COG8: variants seen among roughly 807,000 people sequenced by gnomAD.
The protein encoded by COG8 is conserved oligomeric Golgi complex subunit 8.
Under a neutral mutation model 46.5 loss-of-function variants are expected in COG8, and 45 were observed. That is an observed-to-expected ratio of 0.97 (90% CI 0.76 to 1.24). The LOEUF is 1.24. Among genes scored for constraint, COG8 ranks in the 50% most tolerant of loss-of-function variants. The probability of loss-of-function intolerance (pLI) is 0.00; values close to 1 mark genes in which losing one functional copy is unlikely to be tolerated. For synonymous variants in COG8, 407 were observed against 347.8 expected (o/e 1.17, Z -1.90); for missense variants, 793 against 820.8 (o/e 0.97, Z 0.41).
At position 69,339,357 on chromosome 16, in the gene COG8, C is replaced by T. The variant is rs766347437; in HGVS notation, c.196G>A (p.Glu66Lys). 1.9e-6 allele frequency: 3 copies of T among 1,586,854 alleles called. No individual in the cohort carries two copies. The highest frequency in any genetic ancestry group is 2.3e-5 in the East Asian group (1 of 43,460). The part of the protein sequence containing the change: ...SGLERLRREP[E>K]RLAEERAQLL... ...TGCGCCCGCTCCTCCGCCAGGCGCT[C>T]GGGCTCGCGCCGCAGCCGCTCCAGC... Residue 66 changes from glutamate (E) to lysine (K), a missense_variant, in exon 1 of 6, where the codon GAG (glutamate) becomes AAG (lysine). Transcript: ENST00000306875.
In COG8 at chr16:69,332,722, T is replaced by C; in HGVS notation, c.1574A>G (p.Gln525Arg). 1 of 1,613,992 alleles carries C rather than the reference T, an allele frequency of 6.2e-7. No individual in the cohort carries two copies. The highest frequency in any genetic ancestry group is 8.5e-7 in the Non-Finnish European group (1 of 1,179,806). The change falls in exon 4 of 6, where the codon CAG becomes CGG. Residue 525 changes from glutamine (Q) to arginine (R), a missense_variant. Coordinates refer to ENST00000306875, the MANE Select transcript of COG8 (RefSeq NM_032382.5). ...QVLFPPAQIA[Q>R]TLGIPPTQLS... The stretch of plus-strand genomic sequence containing the variant: ...AATTTTCATTCTCTTACCTAAAGTC[T>C]GTGCTATCTGAGCTGGTGGAAAAAG...
chr16:69,339,305 G>A lies in COG8; in HGVS notation c.248C>T (p.Ala83Val). The change falls in exon 1 of 6, where the codon GCC (alanine) becomes GTC (valine). Residue 83 changes from alanine (A) to valine (V), a missense_variant. By Grantham distance (64) the Ala-to-Val change is moderately conservative. Coordinates refer to ENST00000306875, the MANE Select transcript of COG8 (RefSeq NM_032382.5). ...GATGAAGGTCTTGTAGTTAGCGAAG[G>A]CCAAGTCGCGCGTCTGCTGCAGCAG... ...AQLLQQTRDLAFANYKTFIRG... is the reference protein window; with the variant it reads ...AQLLQQTRDLVFANYKTFIRG... 1.2e-6 allele frequency: 2 copies of A among 1,611,386 alleles called. No homozygotes were observed. Among genetic ancestry groups the A allele is most frequent in the Non-Finnish European group, 1.7e-6 (2 of 1,179,452 alleles).
chr16:69,331,699 C>T (rs1422535544), intron 4 of COG8, among the ~76,000 whole-genome samples: 1 of 151,974 alleles, frequency 6.6e-6, no homozygotes, highest in Non-Finnish European at 1.5e-5. Context: ...GACGGAGTTA[C>T]TATGTTGGCC....
rs1319482193 is a variant in COG8, at chr16:69,335,141, C to A, written c.793G>T (p.Asp265Tyr). The A allele has an allele frequency of 6.2e-6, 10 of 1,614,060 alleles. No individual in the cohort carries two copies. The highest frequency in any genetic ancestry group is 8.5e-6 in the Non-Finnish European group (10 of 1,180,046). Residue 265 changes from aspartate (D) to tyrosine (Y), a missense_variant, in exon 3 of 6, where the codon GAT (aspartate) becomes TAT (tyrosine). By Grantham distance (160) the Asp-to-Tyr change is radical. Transcript: ENST00000306875. Reference protein sequence around the residue: ...LRSILTAIPNDDPYFHITKTI... With the variant: ...LRSILTAIPNYDPYFHITKTI... ...TTTGTAATATGGAAATAGGGATCAT[C>A]ATTAGGAATGGCAGTCAGGATGGAC... is the stretch of plus-strand genomic sequence containing the variant.
Position 69,330,306 on chromosome 16 carries a change from C to T in COG8, c.*26+507G>A, listed in dbSNP as rs2011695200. The T allele has an allele frequency of 4.9e-6, 7 of 1,431,946 alleles. No individual in the cohort carries two copies. Among genetic ancestry groups the T allele is most frequent in the Non-Finnish European group, 6.4e-6 (7 of 1,101,698 alleles). 88.7% of individuals were successfully genotyped at this position (1,431,946 alleles called of 1,614,324 possible). On this transcript the variant is annotated intron_variant, in intron 5 of 5. Coordinates refer to ENST00000306875, the MANE Select transcript of COG8 (RefSeq NM_032382.5). Reference sequence around the variant, plus strand: ...TGCGTCAGCCGCTGCAGCTCGGGCCCGCCTAGCTGCGCCCGCTCCACCGGG... The same window carrying T: ...TGCGTCAGCCGCTGCAGCTCGGGCCTGCCTAGCTGCGCCCGCTCCACCGGG...
Position 69,339,274 on chromosome 16 carries a change from G to A in COG8, c.279C>T (p.Gly93=), listed in dbSNP as rs1232221132. 1 of 1,612,534 alleles carries A rather than the reference G, an allele frequency of 6.2e-7. No homozygotes were observed. The highest frequency in any genetic ancestry group is 1.1e-5 in the South Asian group (1 of 91,080). Residue 93 remains glycine, a synonymous_variant, in exon 1 of 6, where the codon GGC becomes GGT. Coordinates refer to ENST00000306875, the MANE Select transcript of COG8 (RefSeq NM_032382.5). ...AFANYKTFIR[G]AECTERIHRL... is the part of the protein sequence containing the mutation. ...GGTGGATGCGCTCGGTGCACTCGGC[G>A]CCGCGGATGAAGGTCTTGTAGTTAG...
chr16:69,330,815 C>A lies in COG8; in HGVS notation c.*24G>T. 1 of 1,528,616 alleles carries A rather than the reference C, an allele frequency of 6.5e-7. No individual in the cohort carries two copies. The highest frequency in any genetic ancestry group is 2.5e-5 in the East Asian group (1 of 40,722). The allele number at this position is 1,528,616 out of a possible 1,614,324, so 94.7% of individuals were successfully genotyped here. ...CCCGCGCCGGGAACCTCACGCACCG[C>A]GTTCTGGAGGCAGGGGACGCCGGCT... On this transcript the variant is annotated splice_region_variant and 3_prime_UTR_variant, in exon 5 of 6. Transcript: ENST00000306875.
chr16:69,329,903 G>C (rs889045264), intron 5 of COG8: 61 of 1,374,096 alleles, frequency 4.4e-5, no homozygotes, highest in Non-Finnish European at 5.8e-5. Flanking sequence ...CGGGAGGTCC[G>C]GCGTATGAAC....
At position 69,327,987 on chromosome 16, in the gene COG8, C is replaced by T. The variant is rs1471960792; in HGVS notation, c.*1219G>A. On this transcript the variant is annotated 3_prime_UTR_variant, in exon 6 of 6. Transcript: ENST00000306875. ...TACTTTTGAGTCTCGCTCTGTCGCC[C>T]AGGCTGGATGGAGTGCAGTGGCGTG... 3 of 151,406 alleles carry T rather than the reference C, an allele frequency of 2.0e-5. No individual in the cohort carries two copies. The highest frequency in any genetic ancestry group is 4.4e-5 in the Non-Finnish European group (3 of 67,518). 9.4% of individuals were successfully genotyped at this position (151,406 alleles called of 1,614,324 possible).
rs754804636 is a variant in COG8 at position 69,330,113 on chromosome 16, A to G, written c.*26+700T>C. 28 of 1,584,816 alleles carry G rather than the reference A, an allele frequency of 1.8e-5. No individual in the cohort carries two copies. The South Asian group carries it at 3.0e-4, about 17-fold the overall frequency. On this transcript the variant is annotated intron_variant, in intron 5 of 5. Coordinates refer to ENST00000306875, the MANE Select transcript of COG8 (RefSeq NM_032382.5). ...AAGCACTCGCAGGCTGGGGTTCACG[A>G]ACACGCGCAGGGGGAAGGGCTCCAT...
At chr16:69,333,827 T>C (rs1231728070) in intron 3 of COG8, among the ~76,000 whole-genome samples, 4 of 152,176 alleles carry the variant, frequency 2.6e-5, no homozygotes, top group Non-Finnish European at 5.9e-5. Flanking sequence ...TATCTCTCTG[T>C]AAAATAAAAC....
rs777347436 is a variant in COG8 at position 69,339,287 on chromosome 16, G to A, written c.266C>T (p.Thr89Ile). The A allele has an allele frequency of 1.2e-6, 2 of 1,612,364 alleles. No individual in the cohort carries two copies. The highest frequency in any genetic ancestry group is 8.5e-7 in the Non-Finnish European group (1 of 1,179,708). The change falls in exon 1 of 6, where the codon ACC becomes ATC. Residue 89 changes from threonine to isoleucine, a missense_variant. Physicochemically the swap from Thr to Ile is moderately conservative, Grantham distance 89. Coordinates refer to ENST00000306875, the MANE Select transcript of COG8 (RefSeq NM_032382.5). ...TRDLAFANYK[T>I]FIRGAECTER... ...GGTGCACTCGGCGCCGCGGATGAAG[G>A]TCTTGTAGTTAGCGAAGGCCAAGTC...
intron 4 of COG8, among the ~76,000 whole-genome samples, chr16:69,332,325 G>A (rs568325458): frequency 6.6e-6 from 1 of 152,130 alleles, no homozygotes; most frequent in African/African-American, 2.4e-5. Context: ...ACTCCAGCCT[G>A]GCAACACAGC....
In COG8 at chr16:69,334,907, C is replaced by T; in HGVS notation, c.1027G>A (p.Asp343Asn). The T allele has an allele frequency of 6.2e-7, 1 of 1,614,162 alleles. No individual in the cohort carries two copies. The highest frequency in any genetic ancestry group is 8.5e-7 in the Non-Finnish European group (1 of 1,180,026). The change falls in exon 3 of 6, where the codon GAC becomes AAC. Residue 343 changes from aspartate to asparagine, a missense_variant. Physicochemically the swap from Asp to Asn is conservative, Grantham distance 23 (BLOSUM62 1). Coordinates refer to ENST00000306875, the MANE Select transcript of COG8 (RefSeq NM_032382.5). ...TACATGCACTGGCCCAGCAGAGAGT[C>T]CAGGTGGCCGCCTATGCCCCGGTAA... ...DLYRGIGGHL[D>N]SLLGQCMYFG...
chr16:69,329,897 AG>A, intron 5 of COG8: 1 of 1,343,482 alleles, frequency 7.4e-7, no homozygotes, highest in Non-Finnish European at 9.7e-7. Flanking sequence ...CTCCTGCGGG[AG>A]GTCCGGCGTA....
chr16:69,338,012 G>T (rs2012301684), intron 1 of COG8, among the ~76,000 whole-genome samples: 1 of 151,670 alleles, frequency 6.6e-6, no homozygotes, highest in African/African-American at 2.4e-5. Flanking sequence ...GATTACAGGT[G>T]TGAGCCACCG....
Position 69,326,982 on chromosome 16 carries a change from A to C in COG8, c.*2224T>G, listed in dbSNP as rs538035956. 2 of 152,260 alleles carry C rather than the reference A, an allele frequency of 1.3e-5. No homozygotes were observed. Among genetic ancestry groups the C allele is most frequent in the East Asian group, 1.9e-4 (1 of 5,186 alleles). The allele number at this position is 152,260 out of a possible 1,614,324, so 9.4% of individuals were successfully genotyped here. A position where few individuals can be genotyped will look rare whatever the true frequency, so the allele number is the denominator to read the frequency against. On this transcript the variant is annotated 3_prime_UTR_variant, in exon 6 of 6. Transcript: ENST00000306875. Reference sequence around the variant, plus strand: ...AGCGTTAACCTCAGAAAGCTATAAGAAGCATCAAAAGATTGCCATAGCCCC... The same window carrying C: ...AGCGTTAACCTCAGAAAGCTATAAGCAGCATCAAAAGATTGCCATAGCCCC...
chr16:69,332,841 A>G lies in COG8; in HGVS notation c.1455T>C (p.Ala485=), dbSNP rs2011971169. 2 of 1,614,224 alleles carry G rather than the reference A, an allele frequency of 1.2e-6. No individual in the cohort carries two copies. Among genetic ancestry groups the G allele is most frequent in the East Asian group, 2.2e-5 (1 of 44,892 alleles). ...GCTCTTGCTCCCCGCTGCTGAAGGC[A>G]GCCTCTTCAGCGCGATGGAAGGCCA... ...IILAFHRAEE[A]AFSSGEQELF... is the part of the protein sequence containing the mutation. The change falls in exon 4 of 6, where the codon GCT becomes GCC. Residue 485 remains alanine, a synonymous_variant. Transcript: ENST00000306875.
intron 5 of COG8, chr16:69,329,955 C>T (rs889105282): frequency 2.0e-6 from 3 of 1,490,958 alleles, no homozygotes; most frequent in African/African-American, 1.5e-5. Context: ...GCAGAAGAGA[C>T]GCGCGCGCTG....
Sources: allele counts gnomAD v4.1 joint callset (sites outside exome capture counted in the v4.1 genomes callset), GRCh38; gene constraint gnomAD v4.1.1; transcripts MANE v1.5; gene names NCBI Gene and HGNC (gene_info 2026-07-23, HGNC 2026-07-21).